Variants in CENPU observed in about 807,000 individuals in gnomAD.
The protein encoded by CENPU is KSHV latent nuclear antigen interacting protein 1.
In CENPU, 46 loss-of-function variants were observed where a neutral mutation model predicts 56.7. The observed-to-expected ratio is 0.81, with a 90% CI of 0.64 to 1.04. The LOEUF is 1.04. CENPU is among the 50% of genes least tolerant of loss of function. CENPU has a pLI of 0.00. For missense variants in CENPU, 510 were observed against 490.1 expected, an observed-to-expected ratio of 1.04 and a Z score of -0.38; for synonymous variants, 166 against 163.0, an observed-to-expected ratio of 1.02 and a Z score of -0.14.
Position 184,734,038 on chromosome 4 carries a change from G to A in CENPU, c.25C>T (p.Pro9Ser). 6.3e-7 allele frequency: 1 copy of A among 1,577,960 alleles called. No individual in the cohort carries two copies. The highest frequency in any genetic ancestry group is 8.6e-7 in the Non-Finnish European group (1 of 1,164,420). The change falls in exon 1 of 13, where the codon CCG (proline) becomes TCG (serine). Residue 9 changes from proline (P) to serine (S), a missense_variant. Physicochemically the swap from Pro to Ser is moderately conservative, Grantham distance 74. Transcript: ENST00000281453. ...TACCCCTCAGACCTGTGAGGCCGCGGCCGCCGCCGCCCCCGCGGGGCCATG... is the reference window on the plus strand; with the variant it reads ...TACCCCTCAGACCTGTGAGGCCGCGACCGCCGCCGCCCCCGCGGGGCCATG... MAPRGRRR[P>S]RPHRSEGARR...
At chr4:184,725,192 G>T in intron 3 of CENPU, 130 bp from the exon 4 acceptor site, 1 of 510,548 alleles carries the variant, frequency 2.0e-6, no homozygotes, top group Non-Finnish European at 3.4e-6. Flanking sequence ...AATTACACAG[G>T]CCACTTCCCA....
At chr4:184,707,022 G>C (rs1443256144) in intron 8 of CENPU, among the ~76,000 whole-genome samples, 1 of 151,198 alleles carries the variant, frequency 6.6e-6, no homozygotes, top group African/African-American at 2.5e-5. Flanking sequence ...AATAGGTAAA[G>C]GATAACACAA....
chr4:184,709,977 T>A, intron 8 of CENPU, 95 bp downstream of exon 8: 1 of 477,114 alleles, frequency 2.1e-6, no homozygotes, highest in South Asian at 6.0e-5. Context: ...ACAATGACAA[T>A]GAAAATAGTA....
intron 3 of CENPU, among the ~76,000 whole-genome samples, chr4:184,727,556 G>A (rs1220932208): frequency 6.6e-6 from 1 of 152,136 alleles, no homozygotes; most frequent in East Asian, 1.9e-4. Flanking sequence ...CTCATATACT[G>A]CCATGGAATT....
intron 1 of CENPU, among the ~76,000 whole-genome samples, 175 bp downstream of exon 1, chr4:184,733,841 G>T (rs1472780333): frequency 6.6e-6 from 1 of 152,186 alleles, no homozygotes; most frequent in Non-Finnish European, 1.5e-5. Context: ...CGTGCAGGTG[G>T]GATCACTGTT....
chr4:184,718,368 C>G (rs764075859), intron 4 of CENPU, among the ~76,000 whole-genome samples: 2 of 152,246 alleles, frequency 1.3e-5, no homozygotes, highest in Non-Finnish European at 2.9e-5. Context: ...TTACCCTTCA[C>G]AGGTAACACT....
intron 11 of CENPU, among the ~76,000 whole-genome samples, chr4:184,699,386 G>A (rs904411525): frequency 2.6e-5 from 4 of 152,086 alleles, no homozygotes; most frequent in East Asian, 1.9e-4. Context: ...GTCTCACACC[G>A]AAGACAAGTG....
chr4:184,719,112 A>G (rs1227197607), intron 4 of CENPU, among the ~76,000 whole-genome samples: 1 of 152,186 alleles, frequency 6.6e-6, no homozygotes, highest in African/African-American at 2.4e-5. Flanking sequence ...GGCTGAACAG[A>G]GGGCTCCACT....
intron 8 of CENPU, 37 bp from the exon 9 acceptor site, chr4:184,702,478 T>C: frequency 6.7e-7 from 1 of 1,497,892 alleles, no homozygotes. Flanking sequence ...AGTACCATGA[T>C]GGATTTTGAA....
At chr4:184,700,059 T>A (rs1355014873) in intron 11 of CENPU, among the ~76,000 whole-genome samples, 1 of 152,250 alleles carries the variant, frequency 6.6e-6, no homozygotes, top group Admixed American at 6.5e-5. Flanking sequence ...TTTCTCAAGC[T>A]ATTTTTAAGC....
chr4:184,730,436 T>C (rs563382003), intron 2 of CENPU, among the ~76,000 whole-genome samples: 10 of 151,624 alleles, frequency 6.6e-5, no homozygotes, highest in African/African-American at 2.4e-4. Flanking sequence ...TCATACACTG[T>C]TAATGTGAGA....
chr4:184,723,346 T>C (rs948578625), intron 4 of CENPU, among the ~76,000 whole-genome samples: 8 of 152,010 alleles, frequency 5.3e-5, no homozygotes, highest in Admixed American at 2.0e-4. Flanking sequence ...AAATTAATAA[T>C]AAGGGAGAGG....
chr4:184,716,672 T>C, intron 5 of CENPU, 39 bp from the exon 6 acceptor site: 2 of 1,420,922 alleles, frequency 1.4e-6, no homozygotes, highest in Non-Finnish European at 2.0e-6. Context: ...ATGTAGAAAA[T>C]AGAAATGCTT....
In CENPU at chr4:184,717,192, C is replaced by G; in HGVS notation, c.325G>C (p.Asp109His). ...PPGKEAKRSS[D>H]TSGNEASEIE... is the part of the protein sequence containing the mutation. ...TCACTTGCTTCATTTCCAGAAGTGT[C>G]TGAACTGTAAAAAGTACAAGCCATC... The change falls in exon 5 of 13, where the codon GAC becomes CAC. Residue 109 changes from aspartate to histidine, a missense_variant. By Grantham distance (81) the Asp-to-His change is moderately conservative. Coordinates refer to ENST00000281453, the MANE Select transcript of CENPU (RefSeq NM_024629.4). 1 of 1,611,378 alleles carries G rather than the reference C, an allele frequency of 6.2e-7. No homozygotes were observed. Among genetic ancestry groups the G allele is most frequent in the Non-Finnish European group, 8.5e-7 (1 of 1,179,136 alleles).
chr4:184,722,830 G>C (rs6552809), intron 4 of CENPU, among the ~76,000 whole-genome samples: 6,442 of 152,124 alleles, frequency 0.042, 446 homozygotes, highest in African/African-American at 0.15. Context: ...TGCAGAAAGA[G>C]AAATTCAAGA....
Position 184,694,455 on chromosome 4 carries a change from T to C in CENPU, c.*833A>G. 1 of 1,550,966 alleles carries C rather than the reference T, an allele frequency of 6.4e-7. No individual in the cohort carries two copies. On this transcript the variant is annotated 3_prime_UTR_variant, in exon 13 of 13. Transcript: ENST00000281453. The stretch of plus-strand genomic sequence containing the variant: ...CCTTACTTCAACATAGAGTATAAGG[T>C]TAAATCACATATCCTGAGTAAATAT...
chr4:184,733,190 G>A, intron 1 of CENPU: 1 of 261,144 alleles, frequency 3.8e-6, no homozygotes, highest in Non-Finnish European at 6.0e-6. Flanking sequence ...TTGCACTGGG[G>A]GAGTCTTCAT....
At chr4:184,717,859 C>A (rs1458904530) in intron 4 of CENPU, among the ~76,000 whole-genome samples, 2 of 152,082 alleles carry the variant, frequency 1.3e-5, no homozygotes, top group Non-Finnish European at 2.9e-5. Context: ...GGTAAAAAAA[C>A]CTTTTTCAGG....
At chr4:184,705,886 C>T (rs911026518) in intron 8 of CENPU, among the ~76,000 whole-genome samples, 2 of 152,092 alleles carry the variant, frequency 1.3e-5, no homozygotes, top group Non-Finnish European at 2.9e-5. Flanking sequence ...GTTTCATTTC[C>T]GTGAAGTATT....
Sources: gnomAD v4.1 joint callset for allele counts (sites outside exome capture counted in the v4.1 genomes callset) on GRCh38, gnomAD v4.1.1 for gene constraint, MANE v1.5 for transcripts, NCBI Gene and HGNC (gene_info 2026-07-23, HGNC 2026-07-21) for gene names.